Variants in TRAF3IP2 observed in about 807,000 individuals in gnomAD.
The protein encoded by TRAF3IP2 is E3 ubiquitin ligase TRAF3IP2.
TRAF3IP2 carries 35 observed loss-of-function variants against 57.9 expected under a neutral mutation model. The observed-to-expected ratio is 0.60, with a 90% CI of 0.46 to 0.80. The LOEUF is 0.80. Among genes scored for constraint, TRAF3IP2 ranks in the 30% least tolerant of loss-of-function variants. TRAF3IP2 has a pLI of 0.00. For missense variants in TRAF3IP2, 556 were observed against 706.4 expected, an observed-to-expected ratio of 0.79 and a Z score of 2.41; for synonymous variants, 251 against 268.9, an observed-to-expected ratio of 0.93 and a Z score of 0.65.
chr6:111,566,113 C>G (rs918217586), intron 7 of TRAF3IP2, among the ~76,000 whole-genome samples: 1 of 152,154 alleles, frequency 6.6e-6, no homozygotes. Context: ...CTCACCACCC[C>G]GTCTCCTGCC....
intron 4 of TRAF3IP2, 129 bp from the exon 5 acceptor site, chr6:111,573,112 T>A: frequency 1.4e-6 from 1 of 711,000 alleles, no homozygotes; most frequent in Non-Finnish European, 2.3e-6. Flanking sequence ...TGGGGTGCTC[T>A]AAGAGCTTAT....
intron 1 of TRAF3IP2, among the ~76,000 whole-genome samples, chr6:111,593,656 C>T (rs1796587915): frequency 6.6e-6 from 1 of 152,148 alleles, no homozygotes; most frequent in South Asian, 2.1e-4. Flanking sequence ...TTCCGGCTGG[C>T]CTTCCCTCCT....
At chr6:111,569,695 G>A (rs1795769530) in intron 5 of TRAF3IP2, among the ~76,000 whole-genome samples, 1 of 152,206 alleles carries the variant, frequency 6.6e-6, no homozygotes, top group South Asian at 2.1e-4. Flanking sequence ...GGCAGAGGTT[G>A]CAGTGAGCCG....
At chr6:111,582,132 G>C (rs947314962) in intron 2 of TRAF3IP2, among the ~76,000 whole-genome samples, 4 of 152,226 alleles carry the variant, frequency 2.6e-5, no homozygotes, top group African/African-American at 9.6e-5. Flanking sequence ...CAGGTTCCCA[G>C]TGCCTAGACT....
Position 111,557,296 on chromosome 6 carries a change from A to G in TRAF3IP2, c.*2109T>C, listed in dbSNP as rs1275904957. 6.6e-6 allele frequency: 1 copy of G among 152,156 alleles called. No individual in the cohort carries two copies. Among genetic ancestry groups the G allele is most frequent in the Admixed American group, 6.5e-5 (1 of 15,272 alleles). 9.4% of individuals were successfully genotyped at this position (152,156 alleles called of 1,614,324 possible). ...GCCATCCCACCTTTATAGTTTACGT[A>G]GATTTGATACATGTATACATATTTT... On this transcript the variant is annotated 3_prime_UTR_variant, in exon 9 of 9. Coordinates refer to ENST00000368761, the MANE Select transcript of TRAF3IP2 (RefSeq NM_147686.4).
Position 111,591,020 on chromosome 6 carries a change from C to T in TRAF3IP2, c.829+238G>A, listed in dbSNP as rs751363179. ...ACCCAGACAGAGGAACCCATTTTGT[C>T]CTTAAAGGTCCCTAGAGAAGGAGAC... On this transcript the variant is annotated intron_variant, in intron 2 of 8. Coordinates refer to ENST00000368761, the MANE Select transcript of TRAF3IP2 (RefSeq NM_147686.4). The surrounding 1 kb of genome is among the most constrained non-coding windows in gnomAD (Gnocchi z 4.9). Among the ~76,000 whole-genome samples the T allele has an allele frequency of 1.3e-5, 2 of 152,132 alleles. No homozygotes were observed. Among genetic ancestry groups the T allele is most frequent in the African/African-American group, 4.8e-5 (2 of 41,430 alleles).
chr6:111,555,827 G>A lies in TRAF3IP2; in HGVS notation c.*3578C>T, dbSNP rs1583205943. Among the ~76,000 whole-genome samples the A allele has an allele frequency of 6.6e-6, 1 of 152,204 alleles. No homozygotes were observed. Among genetic ancestry groups the A allele is most frequent in the East Asian group, 1.9e-4 (1 of 5,206 alleles). ...TTGTTACAATTCCTTTGATGGGCCGGGCGTGGTGGCTCATGCCTGTAATCC... is the reference window on the plus strand; with the variant it reads ...TTGTTACAATTCCTTTGATGGGCCGAGCGTGGTGGCTCATGCCTGTAATCC... On this transcript the variant is annotated 3_prime_UTR_variant, in exon 9 of 9. Coordinates refer to ENST00000368761, the MANE Select transcript of TRAF3IP2 (RefSeq NM_147686.4).
In TRAF3IP2 at chr6:111,559,275, G is replaced by A. The variant is rs1007279262; in HGVS notation, c.*130C>T. ...AGCTCTGCACAACAGGTTTCCTGGG[G>A]GCCAGAGGGCCTCTCGGGGAGGAAC... On this transcript the variant is annotated 3_prime_UTR_variant, in exon 9 of 9. Transcript: ENST00000368761. 3 of 1,305,792 alleles carry A rather than the reference G, an allele frequency of 2.3e-6. No homozygotes were observed. The highest frequency in any genetic ancestry group is 3.0e-5 in the African/African-American group (2 of 67,650). The allele number at this position is 1,305,792 out of a possible 1,614,324, so 80.9% of individuals were successfully genotyped here. A position where few individuals can be genotyped will look rare whatever the true frequency, so the allele number is the denominator to read the frequency against.
chr6:111,559,915 G>A (rs565970861), intron 8 of TRAF3IP2, among the ~76,000 whole-genome samples: 5 of 152,324 alleles, frequency 3.3e-5, no homozygotes, highest in South Asian at 2.1e-4. Flanking sequence ...TGCCAGGGCC[G>A]TAGGCTTAAA....
chr6:111,577,363 G>A (rs1161378829), intron 3 of TRAF3IP2, among the ~76,000 whole-genome samples: 5 of 152,162 alleles, frequency 3.3e-5, no homozygotes, highest in Non-Finnish European at 7.4e-5. Flanking sequence ...CTGAATTAAA[G>A]TTCTCTTTCA....
In TRAF3IP2 at chr6:111,591,156, T is replaced by C. The variant is rs778083188; in HGVS notation, c.829+102A>G. 2.6e-5 allele frequency: 24 copies of C among 927,650 alleles called. No individual in the cohort carries two copies. The highest frequency in any genetic ancestry group is 3.4e-5 in the Non-Finnish European group (22 of 649,644). 57.5% of individuals were successfully genotyped at this position (927,650 alleles called of 1,614,324 possible). ...GAAGCAGAATGCCCTCCCTGCATTC[T>C]GACCTGTTCATGCCAGCCTAGTGAC... On this transcript the variant is annotated intron_variant, in intron 2 of 8. Coordinates refer to ENST00000368761, the MANE Select transcript of TRAF3IP2 (RefSeq NM_147686.4). The surrounding 1 kb of genome is among the most constrained non-coding windows in gnomAD (Gnocchi z 4.9).
intron 5 of TRAF3IP2, 58 bp downstream of exon 5, chr6:111,572,837 T>C: frequency 7.5e-7 from 1 of 1,336,148 alleles, no homozygotes; most frequent in South Asian, 1.2e-5. Context: ...TTCTGCTGCT[T>C]TTCTCTCCAT....
intron 4 of TRAF3IP2, chr6:111,573,949 T>C (rs1795904746): frequency 6.6e-6 from 1 of 152,214 alleles, no homozygotes; most frequent in African/African-American, 2.4e-5. Context: ...ATAATGGTCA[T>C]ATTAACTCAC....
At chr6:111,568,049 A>C (rs1795708517) in intron 5 of TRAF3IP2, among the ~76,000 whole-genome samples, 1 of 152,242 alleles carries the variant, frequency 6.6e-6, no homozygotes, top group Non-Finnish European at 1.5e-5. Flanking sequence ...TGTAATTTAG[A>C]CATTTGAAAG....
At chr6:111,580,516 C>T (rs1796122949) in intron 2 of TRAF3IP2, 127 bp from the exon 3 acceptor site, 2 of 693,998 alleles carry the variant, frequency 2.9e-6, no homozygotes, top group Admixed American at 7.1e-5. Context: ...CTGTTACCAC[C>T]TCTGTGATGT....
intron 7 of TRAF3IP2, among the ~76,000 whole-genome samples, chr6:111,565,052 G>T (rs1263250137): frequency 6.6e-6 from 1 of 152,174 alleles, no homozygotes; most frequent in Non-Finnish European, 1.5e-5. Context: ...GACTGGTTGA[G>T]ACCAGAAGAG....
At chr6:111,582,896 C>A (rs1338087271) in intron 2 of TRAF3IP2, among the ~76,000 whole-genome samples, 1 of 152,176 alleles carries the variant, frequency 6.6e-6, no homozygotes, top group East Asian at 1.9e-4. Flanking sequence ...CCTTTGGGAT[C>A]CTGAGTTTGC....
At position 111,591,984 on chromosome 6, in the gene TRAF3IP2, G is replaced by A. The variant is rs1320158651; in HGVS notation, c.103C>T (p.Pro35Ser). Residue 35 changes from proline to serine, a missense_variant, in exon 2 of 9, where the codon CCT (proline) becomes TCT (serine). Pro to Ser is a moderately conservative substitution (Grantham distance 74). Transcript: ENST00000368761. This position sits in a 1 kb window ranked among gnomAD's most constrained non-coding sequence, Gnocchi z 4.9. ...EYSPEEESEPPAPNIRNMAPN... is the reference protein window; with the variant it reads ...EYSPEEESEPSAPNIRNMAPN... ...GCCATGTTCCTTATATTTGGAGCAGGTGGTTCTGATTCCTCTTCCGGGGAA... is the reference window on the plus strand; with the variant it reads ...GCCATGTTCCTTATATTTGGAGCAGATGGTTCTGATTCCTCTTCCGGGGAA... The A allele has an allele frequency of 6.2e-7, 1 of 1,614,254 alleles. No homozygotes were observed. The highest frequency in any genetic ancestry group is 8.5e-7 in the Non-Finnish European group (1 of 1,180,054).
intron 3 of TRAF3IP2, among the ~76,000 whole-genome samples, chr6:111,578,883 A>G (rs2128377190): frequency 6.6e-6 from 1 of 152,362 alleles, no homozygotes; most frequent in East Asian, 1.9e-4. Context: ...ACAGTGGTAT[A>G]TAAAAGTTGC....
Sources: gnomAD v4.1 joint callset for allele counts (sites outside exome capture counted in the v4.1 genomes callset) on GRCh38, gnomAD v4.1.1 for gene constraint, Gnocchi (gnomAD v3.1) non-coding constraint, MANE v1.5 for transcripts, NCBI Gene and HGNC (gene_info 2026-07-23, HGNC 2026-07-21) for gene names.